MICAL2: variants seen among roughly 807,000 people sequenced by gnomAD.
MICAL2 encodes microtubule associated monooxygenase, calponin and LIM domain containing 2.
In MICAL2, 77 loss-of-function variants were observed where a neutral mutation model predicts 127.3. The ratio of observed to expected loss-of-function variants is 0.60; its 90% CI spans 0.50 to 0.73. MICAL2 has a LOEUF of 0.73. Ranked by LOEUF, MICAL2 falls within the 30% of genes least tolerant of loss-of-function variation. The pLI, the probability that MICAL2 is intolerant of heterozygous loss-of-function variation, is 0.00. For synonymous variants in MICAL2, 570 were observed against 551.1 expected (o/e 1.03, Z -0.48); for missense variants, 1,351 against 1,434.4 (o/e 0.94, Z 0.94).
chr11:12,211,161 C>T (rs1855408885), intron 6 of MICAL2, among the ~76,000 whole-genome samples: 1 of 152,134 alleles, frequency 6.6e-6, no homozygotes, highest in African/African-American at 2.4e-5. Flanking sequence ...GGGCGGATCA[C>T]CTGAGGTCAG....
chr11:12,323,055 G>T (rs1329246499), intron 30 of MICAL2, among the ~76,000 whole-genome samples: 1 of 152,112 alleles, frequency 6.6e-6, no homozygotes, highest in Non-Finnish European at 1.5e-5. Context: ...TGTGGGCCCA[G>T]TGCTCAACCA....
At chr11:12,283,635 G>C (rs766326966) in intron 2 of MICAL2, among the ~76,000 whole-genome samples, 3 of 152,180 alleles carry the variant, frequency 2.0e-5, no homozygotes, top group Admixed American at 6.5e-5. Context: ...GTGGTGGTGA[G>C]GTGGTGATGG....
chr11:12,162,378 C>T lies in MICAL2; in HGVS notation c.223C>T (p.His75Tyr). 6.2e-7 allele frequency: 1 copy of T among 1,614,222 alleles called. No individual in the cohort carries two copies. The highest frequency in any genetic ancestry group is 8.5e-7 in the Non-Finnish European group (1 of 1,180,040). The change falls in exon 3 of 28, where the codon CAC becomes TAC. Residue 75 changes from histidine (H) to tyrosine (Y), a missense_variant. Around this residue, in one of 2 missense-constraint regions of MICAL2, gnomAD observed 599 missense variants for 714.9 expected, o/e 0.84. Transcript: ENST00000683283. Reference protein sequence around the residue: ...LWYKLDKRGSHKEYKRGKSCT... With the variant: ...LWYKLDKRGSYKEYKRGKSCT... ...GTACAAATTGGATAAGCGTGGTTCCCACAAAGAGTATAAGCGAGGGAAGTC... is the reference window on the plus strand; with the variant it reads ...GTACAAATTGGATAAGCGTGGTTCCTACAAAGAGTATAAGCGAGGGAAGTC...
chr11:12,165,926 TTAA>T, intron 3 of MICAL2, among the ~76,000 whole-genome samples: 1 of 152,358 alleles, frequency 6.6e-6, no homozygotes, highest in East Asian at 1.9e-4. Flanking sequence ...GCACTGAATA[TTAA>T]TAATTCTTTC....
intron 30 of MICAL2, among the ~76,000 whole-genome samples, chr11:12,321,832 C>T (rs572222643): frequency 6.6e-6 from 1 of 152,122 alleles, no homozygotes; most frequent in African/African-American, 2.4e-5. Context: ...CAATTCCCCC[C>T]ACCTTTCGCC....
downstream of MICAL2, among the ~76,000 whole-genome samples, chr11:12,264,802 C>T (rs1374151959): frequency 6.6e-6 from 1 of 152,134 alleles, no homozygotes; most frequent in Non-Finnish European, 1.5e-5. Flanking sequence ...TGACTCATTC[C>T]TTTATGCATT....
At chr11:12,145,596 CCT>C (rs1396305655) in intron 2 of MICAL2, among the ~76,000 whole-genome samples, 2 of 152,188 alleles carry the variant, frequency 1.3e-5, no homozygotes, top group Admixed American at 6.5e-5. Flanking sequence ...TGTCATGCTG[CCT>C]CTCTGCAGCA....
At chr11:12,117,396 G>A (rs904692202) in intron 1 of MICAL2, among the ~76,000 whole-genome samples, 1 of 152,248 alleles carries the variant, frequency 6.6e-6, no homozygotes, top group Non-Finnish European at 1.5e-5. Context: ...AGAACACCCT[G>A]TTCTGGCCTT....
chr11:12,226,224 T>G lies in MICAL2; in HGVS notation c.1742T>G (p.Phe581Cys). The change falls in exon 14 of 28, where the codon TTT becomes TGT. Residue 581 changes from phenylalanine to cysteine, a missense_variant. Transcript: ENST00000683283. ...DDAVENNQLA[F>C]DVAEREFGIP... ...GCTGTGGAGAACAACCAGCTCGCAT[T>G]TGATGTGGCCGAGCGAGAGTTTGGG... 1 of 1,614,264 alleles carries G rather than the reference T, an allele frequency of 6.2e-7. No individual in the cohort carries two copies. The highest frequency in any genetic ancestry group is 8.5e-7 in the Non-Finnish European group (1 of 1,180,054).
intron 3 of MICAL2, among the ~76,000 whole-genome samples, chr11:12,173,824 C>T (rs1399872219): frequency 2.0e-5 from 3 of 152,110 alleles, no homozygotes; most frequent in African/African-American, 7.2e-5. Context: ...TTTCACTTAG[C>T]ATAATATTTT....
chr11:12,310,731 AG>A (rs1489191899), intron 29 of MICAL2, among the ~76,000 whole-genome samples: 2 of 151,964 alleles, frequency 1.3e-5, no homozygotes, highest in African/African-American at 4.8e-5. Flanking sequence ...GTATTTTGAT[AG>A]GGGTTGCATT....
At chr11:12,279,749 G>A (rs1229319738) in intron 1 of MICAL2, among the ~76,000 whole-genome samples, 1 of 152,148 alleles carries the variant, frequency 6.6e-6, no homozygotes, top group Admixed American at 6.5e-5. Context: ...GGCTACTGAG[G>A]GTCTCAGACC....
In MICAL2 at chr11:12,129,621, T is replaced by TTTC. The variant is rs200443025; in HGVS notation, c.-148-8754_-148-8752dup. ...CCGACCTTTATACAATTCTACTCTG[T>TTTC]TTCTTCTTCTTCTTCTTTTTTTTTT... On this transcript the variant is annotated intron_variant, in intron 1 of 27. Coordinates refer to ENST00000683283, the MANE Select transcript of MICAL2 (RefSeq NM_001282663.2). Among the ~76,000 whole-genome samples, 483 of 129,206 alleles carry TTTC rather than the reference T, an allele frequency of 3.7e-3. 8 individuals carry two copies. The highest frequency in any genetic ancestry group is 0.014 in the African/African-American group (434 of 32,118). 84.8% of individuals were successfully genotyped at this position (129,206 alleles called of 152,430 possible). A position where few individuals can be genotyped will look rare whatever the true frequency, so the allele number is the denominator to read the frequency against.
chr11:12,162,061 C>A lies in MICAL2; in HGVS notation c.-77-18C>A, dbSNP rs1442255276. On this transcript the variant is annotated intron_variant, in intron 2 of 27. Transcript: ENST00000683283. ...CTCATCGTCCAAAGCTGACCTCTGC[C>A]TCCCCCTACTTTCACAGGTGTGACG... is the stretch of plus-strand genomic sequence containing the variant. 1.3e-6 allele frequency: 2 copies of A among 1,557,926 alleles called. No homozygotes were observed. Among genetic ancestry groups the A allele is most frequent in the African/African-American group, 2.7e-5 (2 of 73,738 alleles).
intron 24 of MICAL2, chr11:12,257,179 A>G (rs1439830391): frequency 1.8e-6 from 1 of 557,058 alleles, no homozygotes; most frequent in Non-Finnish European, 3.1e-6. Context: ...TAGCATCAGC[A>G]CTGTGGTACG....
chr11:12,299,703 C>T (rs145628691), intron 29 of MICAL2, among the ~76,000 whole-genome samples: 70 of 152,198 alleles, frequency 4.6e-4, no homozygotes, highest in African/African-American at 1.4e-3. Flanking sequence ...CAGTAACATC[C>T]GCAAATGTTA....
At chr11:12,205,705 G>A (rs1854593431) in intron 4 of MICAL2, among the ~76,000 whole-genome samples, 1 of 152,182 alleles carries the variant, frequency 6.6e-6, no homozygotes, top group African/African-American at 2.4e-5. Flanking sequence ...ATTAATTTCT[G>A]TCTCCTAGAA....
Position 12,162,280 on chromosome 11 carries a change from A to G in MICAL2, c.125A>G (p.Asp42Gly), listed in dbSNP as rs778309101. Residue 42 changes from aspartate to glycine, a missense_variant, in exon 3 of 28, where the codon GAC becomes GGC. Physicochemically the swap from Asp to Gly is moderately conservative, Grantham distance 94 (BLOSUM62 -1). Transcript: ENST00000683283. ...FNILTRHLDLDPLDHRNFYSK... is the reference protein window; with the variant it reads ...FNILTRHLDLGPLDHRNFYSK... Reference sequence around the variant, plus strand: ...ATTCTCACACGACACCTGGACCTAGACCCTCTGGACCACAGAAACTTTTAT... The same window carrying G: ...ATTCTCACACGACACCTGGACCTAGGCCCTCTGGACCACAGAAACTTTTAT... 1 of 1,614,204 alleles carries G rather than the reference A, an allele frequency of 6.2e-7. No individual in the cohort carries two copies. The highest frequency in any genetic ancestry group is 8.5e-7 in the Non-Finnish European group (1 of 1,180,036).
At chr11:12,129,637 T>TTCTTC (rs1491206613) in intron 1 of MICAL2, among the ~76,000 whole-genome samples, 2 of 1,022 alleles carry the variant, frequency 2.0e-3, no homozygotes, top group East Asian at 0.077. Flanking sequence ...CTTCTTCTTC[T>TTCTTC]TTTTTTTTTT....
Sources: gnomAD v4.1 joint callset for allele counts (sites outside exome capture counted in the v4.1 genomes callset) on GRCh38, gnomAD v4.1.1 for gene constraint, gnomAD v4.1.1 regional missense constraint, MANE v1.5 for transcripts, NCBI Gene and HGNC (gene_info 2026-07-23, HGNC 2026-07-21) for gene names.